SYT14: variants seen among roughly 807,000 people sequenced by gnomAD.
SYT14 encodes synaptotagmin-14.
In SYT14, 32 loss-of-function variants were observed where a neutral mutation model predicts 74.2. That is an observed-to-expected ratio of 0.43 (90% CI 0.33 to 0.58). The LOEUF (loss-of-function observed/expected upper bound fraction) is 0.58. Ranked by LOEUF, SYT14 falls within the 20% of genes least tolerant of loss-of-function variation. SYT14 has a pLI of 0.05. For synonymous variants in SYT14, 298 were observed against 337.7 expected (o/e 0.88, Z 1.29); for missense variants, 791 against 981.8 (o/e 0.81, Z 2.60).
intron 2 of SYT14, among the ~76,000 whole-genome samples, chr1:209,971,443 G>A (rs574913456): frequency 1.3e-5 from 2 of 152,108 alleles, no homozygotes. Context: ...GGTGAGAGTA[G>A]ACATCCTTGT....
At chr1:210,099,594 T>C (rs1204966260) in intron 6 of SYT14, among the ~76,000 whole-genome samples, 4 of 152,210 alleles carry the variant, frequency 2.6e-5, no homozygotes, top group Non-Finnish European at 5.9e-5. Context: ...CATAGCGTTA[T>C]ACTTTTATTT....
exon 4 of SYT14, chr1:210,016,647 A>G: frequency 8.1e-7 from 1 of 1,231,926 alleles, no homozygotes; most frequent in Non-Finnish European, 1.0e-6. Flanking sequence ...GAGCAAAAGA[A>G]ATATGTTGGT....
At chr1:210,100,132 G>C in exon 7 of SYT14, 1 of 1,614,054 alleles carries the variant, frequency 6.2e-7, no homozygotes, top group South Asian at 1.1e-5. Context: ...GAAGCTTCTG[G>C]TAACAGTGAC....
chr1:210,102,276 C>T (rs532951370), intron 7 of SYT14, among the ~76,000 whole-genome samples: 2 of 152,222 alleles, frequency 1.3e-5, no homozygotes, highest in South Asian at 2.1e-4. Flanking sequence ...TGATAGGCCC[C>T]ATTGTCTGTC....
At chr1:210,092,524 G>A (rs1231732489) in intron 5 of SYT14, among the ~76,000 whole-genome samples, 1 of 152,140 alleles carries the variant, frequency 6.6e-6, no homozygotes, top group Admixed American at 6.5e-5. Flanking sequence ...GTCTGCCAGC[G>A]GTGGCAGCCA....
exon 10 of SYT14, chr1:210,162,099 A>C: frequency 2.3e-6 from 1 of 438,420 alleles, no homozygotes; most frequent in South Asian, 1.6e-5. Context: ...TGTGATATGA[A>C]GACTATCCAG....
At chr1:210,059,451 T>TATATATATATAGAGAGAGAG (rs377050610) in intron 5 of SYT14, among the ~76,000 whole-genome samples, 29 of 69,896 alleles carry the variant, frequency 4.1e-4, no homozygotes, top group African/African-American at 6.3e-4. Context: ...TATATATATA[T>TATATATATATAGAGAGAGAG]AGAGAGAGAG....
exon 10 of SYT14, chr1:210,168,501 A>G (rs1334846733): frequency 1.3e-5 from 2 of 152,192 alleles, no homozygotes; most frequent in African/African-American, 4.8e-5. Context: ...TCACCTGACG[A>G]TGTGTTTAAA....
intron 2 of SYT14, among the ~76,000 whole-genome samples, chr1:210,009,654 C>T (rs1014256136): frequency 6.6e-6 from 1 of 151,622 alleles, no homozygotes; most frequent in Non-Finnish European, 1.5e-5. Context: ...ATAAGAGGAG[C>T]AAAAAAGAGG....
intron 2 of SYT14, among the ~76,000 whole-genome samples, chr1:210,001,283 GTTTCTTAATAACTTTT>G (rs2079896049): frequency 2.0e-5 from 3 of 151,066 alleles, no homozygotes; most frequent in Admixed American, 6.6e-5. Context: ...TGCTATTGAG[GTTTCTTAATAACTTTT>G]TTTTTTGCCC....
chr1:210,138,835 C>A lies in SYT14; in HGVS notation c.2035-16886C>A, dbSNP rs546583044. On this transcript the variant is annotated intron_variant, in intron 7 of 9. Coordinates refer to ENST00000637265, the Ensembl canonical transcript of SYT14. ...TCAGTTCAATGAATTAATATTCTGA[C>A]ATTGCAAGACAAGGTAATTCACAAC... Among the ~76,000 whole-genome samples, 17 of 152,244 alleles carry A rather than the reference C, an allele frequency of 1.1e-4. No homozygotes were observed. In the East Asian group the frequency reaches 3.1e-3, roughly 28 times the overall value.
At chr1:210,100,039 C>A in exon 7 of SYT14, 2 of 1,614,022 alleles carry the variant, frequency 1.2e-6, no homozygotes, top group Non-Finnish European at 1.7e-6. Context: ...ATCATCTTCG[C>A]AGCTTCCTAA....
chr1:209,979,890 T>G (rs1403786105), intron 2 of SYT14, among the ~76,000 whole-genome samples: 1 of 152,240 alleles, frequency 6.6e-6, no homozygotes, highest in African/African-American at 2.4e-5. Context: ...GTCTTTGCTA[T>G]TGTGAATAGT....
At chr1:209,999,073 A>G (rs1298365156) in intron 2 of SYT14, among the ~76,000 whole-genome samples, 2 of 152,148 alleles carry the variant, frequency 1.3e-5, no homozygotes, top group African/African-American at 4.8e-5. Flanking sequence ...TGCAGAATTT[A>G]CAAGAAACTC....
chr1:210,053,452 T>C (rs1192981328), intron 5 of SYT14, among the ~76,000 whole-genome samples: 1 of 152,194 alleles, frequency 6.6e-6, no homozygotes, highest in Non-Finnish European at 1.5e-5. Flanking sequence ...TGAAGGCCAT[T>C]AGAAGATTTT....
At chr1:210,077,032 A>G (rs1456407313) in intron 5 of SYT14, among the ~76,000 whole-genome samples, 2 of 152,188 alleles carry the variant, frequency 1.3e-5, no homozygotes, top group African/African-American at 4.8e-5. Flanking sequence ...TTGCTGTGTT[A>G]GGCCATTCTA....
intron 7 of SYT14, among the ~76,000 whole-genome samples, chr1:210,135,127 T>C (rs1020653734): frequency 2.0e-5 from 3 of 152,028 alleles, no homozygotes; most frequent in African/African-American, 7.2e-5. Flanking sequence ...ATTACAAGCA[T>C]GCACCACCAC....
chr1:210,146,293 A>G (rs920989217), intron 7 of SYT14, among the ~76,000 whole-genome samples: 2 of 152,164 alleles, frequency 1.3e-5, no homozygotes, highest in Non-Finnish European at 2.9e-5. Context: ...AGATCACGCC[A>G]CTGCGCTCCA....
chr1:210,164,199 A>T, exon 10 of SYT14: 1 of 343,902 alleles, frequency 2.9e-6, no homozygotes, highest in South Asian at 2.4e-5. Context: ...TTTGTTTGAA[A>T]TCCATTTGCA....
Sources: allele counts gnomAD v4.1 joint callset (sites outside exome capture counted in the v4.1 genomes callset), GRCh38; gene constraint gnomAD v4.1.1; transcripts MANE v1.5; gene names NCBI Gene and HGNC (gene_info 2026-07-23, HGNC 2026-07-21).